Variants in CDYL observed in about 807,000 individuals in gnomAD.
CDYL encodes chromodomain Y-like protein.
A neutral mutation model predicts 47.3 loss-of-function variants in CDYL; 8 were observed. The ratio of observed to expected loss-of-function variants is 0.17; its 90% CI spans 0.10 to 0.31. CDYL has a LOEUF of 0.31. Ranked by LOEUF, CDYL falls within the 10% of genes least tolerant of loss-of-function variation. The pLI, the probability that CDYL is intolerant of heterozygous loss-of-function variation, is 1.00. For synonymous variants in CDYL, 266 were observed against 265.0 expected (o/e 1.00, Z -0.04); for missense variants, 471 against 701.4 (o/e 0.67, Z 3.71).
chr6:4,828,252 CTT>C (rs11324291), intron 1 of CDYL, among the ~76,000 whole-genome samples: 6,095 of 79,170 alleles, frequency 0.077, 477 homozygotes, highest in African/African-American at 0.22. Flanking sequence ...TAACTTTCAG[CTT>C]TTTTTTTTTT....
intron 1 of CDYL, among the ~76,000 whole-genome samples, chr6:4,883,069 G>A (rs1029504623): frequency 6.6e-6 from 1 of 152,148 alleles, no homozygotes; most frequent in Non-Finnish European, 1.5e-5. Context: ...AAATTGCCTT[G>A]TCCCTCTTGC....
chr6:4,814,879 T>A (rs975703058), intron 1 of CDYL, among the ~76,000 whole-genome samples: 4 of 152,156 alleles, frequency 2.6e-5, no homozygotes, highest in African/African-American at 9.7e-5. Context: ...TCATGTCAGC[T>A]TGTTGTAGGG....
chr6:4,907,704 T>C (rs1276152779), intron 2 of CDYL, among the ~76,000 whole-genome samples: 1 of 152,202 alleles, frequency 6.6e-6, no homozygotes, highest in Non-Finnish European at 1.5e-5. Context: ...TCTCGGATGC[T>C]CAAAACTGAT....
At chr6:4,830,612 C>T (rs564357142) in intron 1 of CDYL, among the ~76,000 whole-genome samples, 4,034 of 151,612 alleles carry the variant, frequency 0.027, 184 homozygotes, top group African/African-American at 0.092. Flanking sequence ...TTTATTTTTT[C>T]ATTATTATAC....
At chr6:4,712,502 C>T (rs1757169506) in intron 1 of CDYL, among the ~76,000 whole-genome samples, 1 of 152,216 alleles carries the variant, frequency 6.6e-6, no homozygotes, top group South Asian at 2.1e-4. Flanking sequence ...TGATTAGCAG[C>T]CCACAGCAGC....
intron 1 of CDYL, among the ~76,000 whole-genome samples, chr6:4,889,092 A>G (rs946622711): frequency 6.6e-6 from 1 of 152,152 alleles, no homozygotes; most frequent in African/African-American, 2.4e-5. Context: ...AGACTTGCAT[A>G]ATGTTTCCAT....
chr6:4,886,321 T>C (rs796293085), intron 1 of CDYL, among the ~76,000 whole-genome samples: 3 of 152,340 alleles, frequency 2.0e-5, no homozygotes, highest in African/African-American at 7.2e-5. Flanking sequence ...TGTTTTCCAA[T>C]GTGGCTGTAC....
At chr6:4,752,555 G>A (rs559207132) in intron 3 of CDYL, among the ~76,000 whole-genome samples, 17 of 152,196 alleles carry the variant, frequency 1.1e-4, no homozygotes, top group Middle Eastern at 6.8e-3. Context: ...TAACACAAAC[G>A]ATTACCCTGC....
At chr6:4,938,415 T>G (rs1181525455) in intron 4 of CDYL, among the ~76,000 whole-genome samples, 1 of 152,164 alleles carries the variant, frequency 6.6e-6, no homozygotes, top group African/African-American at 2.4e-5. Context: ...TTCTGAACAT[T>G]TTGTTATAAT....
Position 4,890,167 on chromosome 6 carries a change from T to G in CDYL, c.25-1546T>G, listed in dbSNP as rs1049626735. The G allele has an allele frequency of 6.1e-6, 6 of 984,962 alleles. No individual in the cohort carries two copies. In the African/African-American group the frequency reaches 1.0e-4, roughly 17 times the overall value. The allele number at this position is 984,962 out of a possible 1,614,324, so 61.0% of individuals were successfully genotyped here. A position where few individuals can be genotyped will look rare whatever the true frequency, so the allele number is the denominator to read the frequency against. The stretch of plus-strand genomic sequence containing the variant: ...GGCAGGGGGAACATTAAACATAGCT[T>G]TCCTACAAGACATAATCTCATTGCC... On this transcript the variant is annotated intron_variant, in intron 1 of 6. Coordinates refer to ENST00000397588, the MANE Select transcript of CDYL (RefSeq NM_004824.4).
chr6:4,708,869 A>C (rs1350767997), intron 1 of CDYL, among the ~76,000 whole-genome samples: 1 of 151,984 alleles, frequency 6.6e-6, no homozygotes, highest in African/African-American at 2.4e-5. Flanking sequence ...AAATACAAAA[A>C]TTGGCATGTG....
intron 3 of CDYL, among the ~76,000 whole-genome samples, chr6:4,745,339 G>T (rs1757870389): frequency 6.6e-6 from 1 of 152,162 alleles, no homozygotes; most frequent in African/African-American, 2.4e-5. Flanking sequence ...GAAAGAAAGA[G>T]GTTGGCATTT....
At chr6:4,917,873 A>G (rs1309336425) in intron 2 of CDYL, among the ~76,000 whole-genome samples, 2 of 152,192 alleles carry the variant, frequency 1.3e-5, no homozygotes, top group Admixed American at 1.3e-4. Flanking sequence ...GAGGTGAACT[A>G]GGGGTGGAAA....
At chr6:4,885,004 T>G (rs893067721) in intron 1 of CDYL, among the ~76,000 whole-genome samples, 5 of 152,176 alleles carry the variant, frequency 3.3e-5, no homozygotes, top group African/African-American at 1.2e-4. Flanking sequence ...ATAATTTTTT[T>G]TTTCTTTGAG....
rs1053985267 is a variant in CDYL at position 4,933,447 on chromosome 6, G to A, written c.692-2068G>A. 2.6e-5 allele frequency among the ~76,000 whole-genome samples: 4 copies of A among 152,176 alleles called. No homozygotes were observed. The East Asian group carries it at 7.7e-4, about 29-fold the overall frequency. The stretch of plus-strand genomic sequence containing the variant: ...TCCAGCATCCATTTCTCTAGACTCA[G>A]AAGGTTCCTGGCCATGTGGACTCTG... On this transcript the variant is annotated intron_variant, in intron 2 of 6. Coordinates refer to ENST00000397588, the MANE Select transcript of CDYL (RefSeq NM_004824.4).
At chr6:4,923,744 A>T (rs4437521) in intron 2 of CDYL, among the ~76,000 whole-genome samples, 103,830 of 151,588 alleles carry the variant, frequency 0.68, 39,156 homozygotes, top group South Asian at 0.82. Context: ...AAAAATATTT[A>T]AAAAAAATTA....
intron 2 of CDYL, among the ~76,000 whole-genome samples, chr6:4,933,465 G>A (rs890019338): frequency 6.6e-6 from 1 of 152,114 alleles, no homozygotes; most frequent in Admixed American, 6.5e-5. Flanking sequence ...CTGGCCATGT[G>A]GACTCTGGGT....
At position 4,892,100 on chromosome 6, in the gene CDYL, T is replaced by A. The variant is rs139710301; in HGVS notation, c.412T>A (p.Ser138Thr). ...SSRKNMDLAKSGIKILVPKSP... is the reference protein window; with the variant it reads ...SSRKNMDLAKTGIKILVPKSP... Reference sequence around the variant, plus strand: ...CCGGAAGAACATGGACCTAGCGAAGTCAGGTATCAAGATCCTCGTGCCTAA... The same window carrying A: ...CCGGAAGAACATGGACCTAGCGAAGACAGGTATCAAGATCCTCGTGCCTAA... Residue 138 changes from serine to threonine, a missense_variant, in exon 2 of 7, where the codon TCA becomes ACA. Physicochemically the swap from Ser to Thr is moderately conservative, Grantham distance 58 (BLOSUM62 1). Coordinates refer to ENST00000397588, the MANE Select transcript of CDYL (RefSeq NM_004824.4). 410 of 1,614,036 alleles carry A rather than the reference T, an allele frequency of 2.5e-4. No individual in the cohort carries two copies. The highest frequency in any genetic ancestry group is 3.3e-4 in the Non-Finnish European group (386 of 1,180,030).
chr6:4,880,607 G>A (rs1307081437), intron 1 of CDYL, among the ~76,000 whole-genome samples: 1 of 152,242 alleles, frequency 6.6e-6, no homozygotes, highest in East Asian at 1.9e-4. Flanking sequence ...GTAAGAAACT[G>A]CCAAACTGTT....
Sources: allele counts gnomAD v4.1 joint callset (sites outside exome capture counted in the v4.1 genomes callset), GRCh38; gene constraint gnomAD v4.1.1; transcripts MANE v1.5; gene names NCBI Gene and HGNC (gene_info 2026-07-23, HGNC 2026-07-21).